PTPRE: variants seen among roughly 807,000 people sequenced by gnomAD.
PTPRE encodes receptor-type tyrosine-protein phosphatase epsilon.
Under a neutral mutation model 102.0 loss-of-function variants are expected in PTPRE, and 51 were observed. The ratio of observed to expected loss-of-function variants is 0.50; its 90% confidence interval spans 0.40 to 0.63. The LOEUF is 0.63. PTPRE is among the 30% of genes least tolerant of loss of function. PTPRE has a pLI of 0.00. For synonymous variants in PTPRE, 345 were observed against 348.2 expected (o/e 0.99, Z 0.10); for missense variants, 752 against 915.1 (o/e 0.82, Z 2.30).
intron 2 of PTPRE, among the ~76,000 whole-genome samples, chr10:128,016,612 C>T (rs958222414): frequency 2.0e-5 from 3 of 151,832 alleles, no homozygotes; most frequent in Admixed American, 6.6e-5. Context: ...AGTTCAGTGG[C>T]CTGGGAACAG....
chr10:128,052,137 C>A (rs563088165), intron 6 of PTPRE, among the ~76,000 whole-genome samples: 1 of 152,334 alleles, frequency 6.6e-6, no homozygotes, highest in African/African-American at 2.4e-5. Context: ...CACGTTGATG[C>A]AGCACCCGTC....
At chr10:128,057,842 A>T (rs1245696575) in intron 7 of PTPRE, among the ~76,000 whole-genome samples, 1 of 152,208 alleles carries the variant, frequency 6.6e-6, no homozygotes, top group Non-Finnish European at 1.5e-5. Flanking sequence ...AAGATATCAC[A>T]GAAAGAGGGG....
intron 1 of PTPRE, among the ~76,000 whole-genome samples, chr10:127,956,901 G>GT (rs985322875): frequency 9.2e-5 from 14 of 151,866 alleles, no homozygotes; most frequent in African/African-American, 1.9e-4. Flanking sequence ...GTCTTTGCCT[G>GT]TTTTTTTAAT....
At chr10:127,955,139 C>A (rs1039922824) in intron 1 of PTPRE, among the ~76,000 whole-genome samples, 2 of 152,088 alleles carry the variant, frequency 1.3e-5, no homozygotes, top group Non-Finnish European at 1.5e-5. Flanking sequence ...TTAGTACTAC[C>A]ATACCCTGTG....
rs1422458117 is a variant in PTPRE, at chr10:128,084,101, A to T, written c.*1195A>T. The T allele has an allele frequency of 1.3e-5, 2 of 151,932 alleles. No individual in the cohort carries two copies. The highest frequency in any genetic ancestry group is 2.9e-5 in the Non-Finnish European group (2 of 68,004). 9.4% of individuals were successfully genotyped at this position (151,932 alleles called of 1,614,324 possible). The stretch of plus-strand genomic sequence containing the variant: ...CTACTGAGACCATTGACACTGGATA[A>T]CAGTAATGATCCCATTACCAGATAA... On this transcript the variant is annotated 3_prime_UTR_variant, in exon 21 of 21. Coordinates refer to ENST00000254667, the MANE Select transcript of PTPRE (RefSeq NM_006504.6).
Position 128,079,571 on chromosome 10 carries a change from G to A in PTPRE, c.1904G>A (p.Gly635Glu). ...PITVHCSAGA[G>E]RTGTFIALSN... ...CTTTTTCTCTGCAGTGCCGGAGCTGGGCGAACAGGTACATTCATAGCCCTC... is the reference window on the plus strand; with the variant it reads ...CTTTTTCTCTGCAGTGCCGGAGCTGAGCGAACAGGTACATTCATAGCCCTC... Residue 635 changes from glycine to glutamate, a missense_variant, in exon 20 of 21, where the codon GGG becomes GAG. Physicochemically the swap from Gly to Glu is moderately conservative, Grantham distance 98 (BLOSUM62 -2). Coordinates refer to ENST00000254667, the MANE Select transcript of PTPRE (RefSeq NM_006504.6). 1 of 1,614,052 alleles carries A rather than the reference G, an allele frequency of 6.2e-7. No individual in the cohort carries two copies. The highest frequency in any genetic ancestry group is 8.5e-7 in the Non-Finnish European group (1 of 1,180,018).
At chr10:128,052,131 T>C (rs1171120195) in intron 6 of PTPRE, among the ~76,000 whole-genome samples, 5 of 152,230 alleles carry the variant, frequency 3.3e-5, no homozygotes, top group African/African-American at 7.2e-5. Flanking sequence ...TGAGTCCACG[T>C]TGATGCAGCA....
Position 128,008,606 on chromosome 10 carries a change from T to C in PTPRE, c.-8+26310T>C, listed in dbSNP as rs1023393715. ...GAGCATCCCGCCTTTGCTTTTGGTA[T>C]GGGAAGGAGCCCGACACACCTGGTC... On this transcript the variant is annotated intron_variant, in intron 2 of 20. Transcript: ENST00000254667. This position sits in a 1 kb window ranked among gnomAD's most constrained non-coding sequence, Gnocchi z 4.0. Among the ~76,000 whole-genome samples the C allele has an allele frequency of 6.6e-6, 1 of 152,060 alleles. No individual in the cohort carries two copies. The highest frequency in any genetic ancestry group is 2.4e-5 in the African/African-American group (1 of 41,398).
chr10:128,059,359 T>C (rs772301838), intron 7 of PTPRE, among the ~76,000 whole-genome samples: 48 of 152,192 alleles, frequency 3.2e-4, no homozygotes, highest in Non-Finnish European at 5.4e-4. Flanking sequence ...CTTTCTCTGC[T>C]GGCAGCCCGA....
chr10:127,952,669 A>G (rs1240659081), intron 1 of PTPRE, among the ~76,000 whole-genome samples: 2 of 152,118 alleles, frequency 1.3e-5, no homozygotes, highest in African/African-American at 4.8e-5. Context: ...AGGGACCTAC[A>G]CACTAGGGGA....
At position 128,061,056 on chromosome 10, in the gene PTPRE, G is replaced by T. The variant is rs200137050; in HGVS notation, c.588+41G>T. The T allele has an allele frequency of 1.2e-4, 192 of 1,586,664 alleles. No homozygotes were observed. In the East Asian group the frequency reaches 4.2e-3, roughly 35 times the overall value. On this transcript the variant is annotated intron_variant, in intron 8 of 20. Coordinates refer to ENST00000254667, the MANE Select transcript of PTPRE (RefSeq NM_006504.6). ...TTTCTTGTTCCCCTGGCCCAGCTGGGGCATGAGCAGTAAGCACTTTCTTGT... is the reference window on the plus strand; with the variant it reads ...TTTCTTGTTCCCCTGGCCCAGCTGGTGCATGAGCAGTAAGCACTTTCTTGT...
At chr10:127,996,944 C>G (rs1375102996) in intron 2 of PTPRE, among the ~76,000 whole-genome samples, 1 of 152,002 alleles carries the variant, frequency 6.6e-6, no homozygotes, top group Non-Finnish European at 1.5e-5. Flanking sequence ...CAGCCTCAAA[C>G]CAGGCCAATC....
intron 1 of PTPRE, among the ~76,000 whole-genome samples, chr10:127,942,030 T>A (rs1244072874): frequency 7.0e-6 from 1 of 141,922 alleles, no homozygotes; most frequent in African/African-American, 2.7e-5. Flanking sequence ...GAATGTCTTT[T>A]TATCTCATAG....
At chr10:127,964,321 C>G (rs1467009599) in intron 1 of PTPRE, among the ~76,000 whole-genome samples, 1 of 152,084 alleles carries the variant, frequency 6.6e-6, no homozygotes, top group Non-Finnish European at 1.5e-5. Context: ...AGGAGCCCAC[C>G]ACCGCGCCCA....
At chr10:128,082,317 T>C (rs1289031474) in intron 20 of PTPRE, among the ~76,000 whole-genome samples, 4 of 143,958 alleles carry the variant, frequency 2.8e-5, no homozygotes, top group Non-Finnish European at 6.0e-5. Flanking sequence ...GCTCAAGGAA[T>C]CCTCCTGTCT....
In PTPRE at chr10:127,907,478, C is replaced by G. The variant is rs1398198265; in HGVS notation, c.-31+169C>G. On this transcript the variant is annotated intron_variant, in intron 1 of 20. Transcript: ENST00000254667. The surrounding 1 kb of genome is among the most constrained non-coding windows in gnomAD (Gnocchi z 4.8). ...GCCGCCCCCGCGGCGCGCCCAGTAC[C>G]AGCGGCTGGGGCCCGTACGACCCCC... Among the ~76,000 whole-genome samples, 1 of 151,798 alleles carries G rather than the reference C, an allele frequency of 6.6e-6. No individual in the cohort carries two copies. Among genetic ancestry groups the G allele is most frequent in the African/African-American group, 2.4e-5 (1 of 41,368 alleles).
chr10:128,033,910 G>A (rs1320101580), intron 2 of PTPRE, among the ~76,000 whole-genome samples: 1 of 152,228 alleles, frequency 6.6e-6, no homozygotes, highest in African/African-American at 2.4e-5. Flanking sequence ...CTCCCAAAAT[G>A]CTGGGAGTAC....
At chr10:128,046,018 T>A (rs1355851351) in intron 3 of PTPRE, among the ~76,000 whole-genome samples, 2 of 152,186 alleles carry the variant, frequency 1.3e-5, no homozygotes, top group African/African-American at 4.8e-5. Flanking sequence ...TGGGGCCACC[T>A]CCGCATCACA....
chr10:127,918,558 C>CAA (rs35535006), intron 1 of PTPRE, among the ~76,000 whole-genome samples: 15 of 95,106 alleles, frequency 1.6e-4, no homozygotes, highest in Middle Eastern at 6.5e-3. Flanking sequence ...GACTCCATCT[C>CAA]AAAAAAAAAA....
Sources: allele counts gnomAD v4.1 joint callset (sites outside exome capture counted in the v4.1 genomes callset), GRCh38; gene constraint gnomAD v4.1.1; non-coding constraint Gnocchi (gnomAD v3.1); transcripts MANE v1.5; gene names NCBI Gene and HGNC (gene_info 2026-07-23, HGNC 2026-07-21).